The following GTF2F2 variants were observed in gnomAD, a reference collection of about 807,000 sequenced individuals.
GTF2F2 encodes general transcription factor IIF subunit 2.
In GTF2F2, 23 loss-of-function variants were observed where a neutral mutation model predicts 42.2. The observed-to-expected ratio is 0.55, with a 90% CI of 0.39 to 0.77. GTF2F2 has a LOEUF of 0.77. GTF2F2 is among the 30% of genes least tolerant of loss of function. GTF2F2 has a pLI of 0.00. For synonymous variants in GTF2F2, 105 were observed against 100.8 expected, an observed-to-expected ratio of 1.04 and a Z score of -0.25; for missense variants, 261 against 287.2, an observed-to-expected ratio of 0.91 and a Z score of 0.66.
chr13:45,126,242 C>T (rs1019112207), intron 1 of GTF2F2, among the ~76,000 whole-genome samples: 8 of 144,870 alleles, frequency 5.5e-5, no homozygotes, highest in East Asian at 2.0e-4. Context: ...AAGGGAAGAA[C>T]GACTTTTTTT....
intron 5 of GTF2F2, among the ~76,000 whole-genome samples, chr13:45,216,018 G>A (rs1221671458): frequency 6.6e-6 from 1 of 151,940 alleles, no homozygotes; most frequent in Non-Finnish European, 1.5e-5. Context: ...TTGGGAGGCC[G>A]AGTCTTGAGC....
At chr13:45,168,074 A>C (rs976931370) in intron 4 of GTF2F2, among the ~76,000 whole-genome samples, 1 of 152,246 alleles carries the variant, frequency 6.6e-6, no homozygotes, top group Non-Finnish European at 1.5e-5. Flanking sequence ...TCTTGAGAGA[A>C]AGATCTGTAC....
chr13:45,230,588 T>A (rs1188718595), intron 5 of GTF2F2, among the ~76,000 whole-genome samples: 1 of 152,266 alleles, frequency 6.6e-6, no homozygotes, highest in Non-Finnish European at 1.5e-5. Context: ...TGCCAGTCTT[T>A]TTTTAAAATA....
intron 5 of GTF2F2, among the ~76,000 whole-genome samples, chr13:45,217,134 A>T (rs1272303212): frequency 1.3e-5 from 2 of 151,886 alleles, no homozygotes; most frequent in Non-Finnish European, 2.9e-5. Flanking sequence ...CCCCGTCTCT[A>T]CTAAAAATAG....
intron 4 of GTF2F2, chr13:45,194,229 T>G (rs754763144): frequency 6.2e-7 from 1 of 1,614,220 alleles, no homozygotes; most frequent in Non-Finnish European, 8.5e-7. Flanking sequence ...AGAATTCTGC[T>G]TCTTGTGCAA....
intron 5 of GTF2F2, among the ~76,000 whole-genome samples, chr13:45,220,392 T>C (rs1874058909): frequency 6.6e-6 from 1 of 152,234 alleles, no homozygotes; most frequent in African/African-American, 2.4e-5. Context: ...TTGATCATAC[T>C]AATTTAATGT....
chr13:45,187,237 A>G (rs986006449), intron 4 of GTF2F2, among the ~76,000 whole-genome samples: 8 of 152,128 alleles, frequency 5.3e-5, no homozygotes, highest in African/African-American at 1.9e-4. Context: ...GAAAGTATAT[A>G]TTTTTTTAAA....
At chr13:45,262,209 A>C (rs1876370779) in intron 6 of GTF2F2, among the ~76,000 whole-genome samples, 1 of 152,064 alleles carries the variant, frequency 6.6e-6, no homozygotes, top group South Asian at 2.1e-4. Context: ...CTATCTCTTC[A>C]AAAAAATTTT....
intron 5 of GTF2F2, among the ~76,000 whole-genome samples, chr13:45,243,672 G>T (rs1364586633): frequency 1.3e-5 from 2 of 151,862 alleles, no homozygotes; most frequent in African/African-American, 4.8e-5. Flanking sequence ...TTTTTTGTTT[G>T]TTTTTTGAGA....
intron 1 of GTF2F2, among the ~76,000 whole-genome samples, chr13:45,124,415 G>A (rs1489267681): frequency 2.0e-5 from 3 of 151,078 alleles, no homozygotes; most frequent in African/African-American, 4.9e-5. Context: ...TTATTTTTGC[G>A]GCCAGGCATG....
chr13:45,280,883 G>A (rs1288547660), intron 7 of GTF2F2, among the ~76,000 whole-genome samples: 1 of 152,192 alleles, frequency 6.6e-6, no homozygotes, highest in African/African-American at 2.4e-5. Flanking sequence ...ACCCATTGCA[G>A]TGCATCCACA....
At chr13:45,212,236 A>T (rs1873680422) in intron 5 of GTF2F2, among the ~76,000 whole-genome samples, 1 of 152,156 alleles carries the variant, frequency 6.6e-6, no homozygotes, top group African/African-American at 2.4e-5. Flanking sequence ...TTGACTGCAT[A>T]GTTTTTAGTC....
At chr13:45,125,812 G>A (rs1868965150) in intron 1 of GTF2F2, among the ~76,000 whole-genome samples, 1 of 152,154 alleles carries the variant, frequency 6.6e-6, no homozygotes, top group African/African-American at 2.4e-5. Flanking sequence ...TTATTAGTGA[G>A]TACTCTTGGG....
chr13:45,280,931 C>T (rs142146936), intron 7 of GTF2F2, among the ~76,000 whole-genome samples: 55 of 152,312 alleles, frequency 3.6e-4, no homozygotes, highest in Non-Finnish European at 6.9e-4. Flanking sequence ...CTTAGCCAGT[C>T]TCATAATAAA....
chr13:45,182,273 C>G (rs1048616471), intron 4 of GTF2F2, among the ~76,000 whole-genome samples: 20 of 152,042 alleles, frequency 1.3e-4, no homozygotes, highest in African/African-American at 4.8e-4. Flanking sequence ...GCCCCAGCCT[C>G]CTGAGTAGCT....
intron 7 of GTF2F2, among the ~76,000 whole-genome samples, chr13:45,270,227 A>G (rs1283655293): frequency 6.6e-6 from 1 of 152,174 alleles, no homozygotes; most frequent in African/African-American, 2.4e-5. Context: ...TACATAAGCA[A>G]CTAGAAAGAG....
intron 5 of GTF2F2, among the ~76,000 whole-genome samples, chr13:45,210,924 G>A (rs186480927): frequency 6.6e-6 from 1 of 152,262 alleles, no homozygotes; most frequent in East Asian, 1.9e-4. Context: ...AATAATCCAG[G>A]TTCAAAATGT....
At chr13:45,185,104 C>T (rs765455475) in intron 4 of GTF2F2, among the ~76,000 whole-genome samples, 6 of 152,054 alleles carry the variant, frequency 3.9e-5, no homozygotes, top group Non-Finnish European at 8.8e-5. Context: ...ATTATAGGTG[C>T]GACACCCCGC....
chr13:45,154,748 A>G (rs1254708794), intron 4 of GTF2F2, among the ~76,000 whole-genome samples: 1 of 152,204 alleles, frequency 6.6e-6, no homozygotes, highest in South Asian at 2.1e-4. Context: ...ATGCTCAAAT[A>G]TTAGCTGTTG....
Sources: allele counts gnomAD v4.1 joint callset (sites outside exome capture counted in the v4.1 genomes callset), GRCh38; gene constraint gnomAD v4.1.1; transcripts MANE v1.5; gene names NCBI Gene and HGNC (gene_info 2026-07-23, HGNC 2026-07-21).